NAV1: variants seen among roughly 807,000 people sequenced by gnomAD.
NAV1 encodes the protein neuron navigator 1.
In NAV1, 18 loss-of-function variants were observed where a neutral mutation model predicts 175.2. That is an observed-to-expected ratio of 0.10 (90% confidence interval 0.07 to 0.15). NAV1 has a LOEUF of 0.15. Among genes scored for constraint, NAV1 ranks in the 10% least tolerant of loss-of-function variants. The probability of loss-of-function intolerance (pLI) is 1.00; values close to 1 mark genes in which losing one functional copy is unlikely to be tolerated. For synonymous variants in NAV1, 897 were observed against 978.7 expected (o/e 0.92, Z 1.56); for missense variants, 1,731 against 2,436.6 (o/e 0.71, Z 6.10).
At chr1:201,719,363 CCTT>C (rs1208079442) in intron 3 of NAV1, 1 of 152,570 alleles carries the variant, frequency 6.6e-6, no homozygotes. Flanking sequence ...CCTGTGCAAA[CCTT>C]CTACCAATCA....
chr1:201,713,002 C>A, intron 2 of NAV1, 83 bp downstream of exon 6: 1 of 985,832 alleles, frequency 1.0e-6, no homozygotes, highest in Non-Finnish European at 1.6e-6. Context: ...CCCCGGGTCC[C>A]TCCACACCTC....
At chr1:201,619,370 G>A (rs952464241), upstream of NAV1, among the ~76,000 whole-genome samples, 2 of 152,174 alleles carry the variant, frequency 1.3e-5, no homozygotes, top group African/African-American at 4.8e-5. Context: ...TTGGTTGGGG[G>A]TGGTTGTTGG....
Position 201,705,019 on chromosome 1 carries a change from G to A in NAV1, c.758-7798G>A, listed in dbSNP as rs752589104. ...TTTTTTATAGTGATGGGCTCTTGCT[G>A]TGTTGCCCAGGCTGGTCTTGAACTC... On this transcript the variant is annotated intron_variant, in intron 1 of 29. Transcript: ENST00000367296. 3.3e-5 allele frequency among the ~76,000 whole-genome samples: 5 copies of A among 152,286 alleles called. No homozygotes were observed. In the East Asian group the frequency reaches 5.8e-4, roughly 18 times the overall value.
At chr1:201,748,095 C>A (rs923400837) in intron 3 of NAV1, among the ~76,000 whole-genome samples, 1 of 152,206 alleles carries the variant, frequency 6.6e-6, no homozygotes, top group Non-Finnish European at 1.5e-5. Flanking sequence ...TTCATAAAGA[C>A]TACTCTTCTC....
Position 201,740,090 on chromosome 1 carries a change from C to G in NAV1, c.1226+21335C>G. 7.0e-7 allele frequency: 1 copy of G among 1,434,890 alleles called. No individual in the cohort carries two copies. Among genetic ancestry groups the G allele is most frequent in the Non-Finnish European group, 9.2e-7 (1 of 1,092,824 alleles). The allele number at this position is 1,434,890 out of a possible 1,614,324, so 88.9% of individuals were successfully genotyped here. ...TTTCCCCCGCAGGTAAGCGCCCCCA[C>G]CCCCCTGGCCTCACCGCCAGACCGC... On this transcript the variant is annotated intron_variant, in intron 3 of 29. Coordinates refer to ENST00000367296, the Ensembl canonical transcript of NAV1. The surrounding 1 kb of genome is among the most constrained non-coding windows in gnomAD (Gnocchi z 4.7).
intron 1 of NAV1, among the ~76,000 whole-genome samples, chr1:201,651,012 TTGGCAGGCACCA>T (rs973238157): frequency 8.6e-5 from 13 of 152,014 alleles, no homozygotes; most frequent in African/African-American, 2.7e-4. Context: ...TAATAAATTT[TTGGCAGGCACCA>T]TGGCAGGCAC....
At chr1:201,766,540 A>T (rs896529734) in intron 3 of NAV1, among the ~76,000 whole-genome samples, 8 of 152,086 alleles carry the variant, frequency 5.3e-5, no homozygotes, top group East Asian at 1.9e-4. Context: ...TCTTTTTTTT[A>T]AAAATCACTT....
upstream of NAV1, among the ~76,000 whole-genome samples, chr1:201,645,015 G>C (rs980630826): frequency 6.6e-6 from 1 of 152,134 alleles, no homozygotes; most frequent in Non-Finnish European, 1.5e-5. Flanking sequence ...ATCATGTTTC[G>C]CAGCAGTTCT....
intron 2 of NAV1, among the ~76,000 whole-genome samples, chr1:201,607,650 C>T (rs1667721583): frequency 6.6e-6 from 1 of 151,184 alleles, no homozygotes; most frequent in African/African-American, 2.4e-5. Context: ...CACCACCATA[C>T]CCAGCTAATT....
intron 3 of NAV1, among the ~76,000 whole-genome samples, chr1:201,773,581 G>C (rs1365022587): frequency 1.3e-5 from 2 of 152,190 alleles, no homozygotes; most frequent in Non-Finnish European, 2.9e-5. Flanking sequence ...TGAAAGGAAA[G>C]TGGTAATACA....
At chr1:201,811,469 TG>T (rs1159184143) in intron 24 of NAV1, 133 bp from the exon 29 acceptor site, 4 of 1,028,390 alleles carry the variant, frequency 3.9e-6, no homozygotes, top group Non-Finnish European at 5.8e-6. Flanking sequence ...GGTAATCTGC[TG>T]TAATCAAATT....
intron 2 of NAV1, among the ~76,000 whole-genome samples, chr1:201,601,965 C>A (rs560462434): frequency 4.7e-4 from 71 of 152,278 alleles, no homozygotes; most frequent in African/African-American, 1.6e-3. Flanking sequence ...TTCCAGCCAG[C>A]TCAGGTTATC....
Position 201,807,440 on chromosome 1 carries a change from G to A in NAV1, c.3649-513G>A, listed in dbSNP as rs1678363662. Among the ~76,000 whole-genome samples, 1 of 152,142 alleles carries A rather than the reference G, an allele frequency of 6.6e-6. No individual in the cohort carries two copies. The highest frequency in any genetic ancestry group is 2.1e-4 in the South Asian group (1 of 4,820). ...TGAGCCCTAGTCAGAGGCATCATGA[G>A]GTGGCCTCTGAGGCCCACAGTGAGC... On this transcript the variant is annotated intron_variant, in intron 17 of 29. Coordinates refer to ENST00000367296, the Ensembl canonical transcript of NAV1. The surrounding 1 kb of genome is among the most constrained non-coding windows in gnomAD (Gnocchi z 5.4).
At chr1:201,640,019 G>A (rs531059654) in intron 2 of NAV1, among the ~76,000 whole-genome samples, 26 of 152,090 alleles carry the variant, frequency 1.7e-4, no homozygotes, top group South Asian at 2.1e-4. Context: ...AGAATTTCTC[G>A]GCATTCCCAC....
chr1:201,805,035 G>A (rs1046971419), intron 17 of NAV1, among the ~76,000 whole-genome samples: 1 of 152,162 alleles, frequency 6.6e-6, no homozygotes, highest in African/African-American at 2.4e-5. Context: ...GCCTAAAACT[G>A]TCTAAGCATC....
At chr1:201,736,524 G>C (rs577750906) in intron 3 of NAV1, among the ~76,000 whole-genome samples, 2 of 152,140 alleles carry the variant, frequency 1.3e-5, no homozygotes, top group Admixed American at 1.3e-4. Context: ...AAAGAACCTT[G>C]GGCCTCAGCC....
intron 29 of NAV1, 137 bp downstream of exon 33, chr1:201,817,422 G>C: frequency 2.7e-6 from 2 of 727,486 alleles, no homozygotes; most frequent in Non-Finnish European, 4.4e-6. Flanking sequence ...AAACCAGCCT[G>C]GGCAACATAA....
chr1:201,623,104 C>T (rs1321408049), exon 1 of NAV1: 3 of 985,878 alleles, frequency 3.0e-6, no homozygotes, highest in Non-Finnish European at 2.4e-6. Context: ...TAGGGCCTTC[C>T]GGGGGAGAGG....
chr1:201,789,237 C>T (rs1033471120), intron 10 of NAV1, among the ~76,000 whole-genome samples: 1 of 152,100 alleles, frequency 6.6e-6, no homozygotes, highest in East Asian at 1.9e-4. Flanking sequence ...TTAGTTCTCA[C>T]CATAGGTTCT....
Sources: allele counts gnomAD v4.1 joint callset (sites outside exome capture counted in the v4.1 genomes callset), GRCh38; gene constraint gnomAD v4.1.1; non-coding constraint Gnocchi (gnomAD v3.1); transcripts MANE v1.5; gene names NCBI Gene and HGNC (gene_info 2026-07-23, HGNC 2026-07-21).